ULK1: variants seen among roughly 807,000 people sequenced by gnomAD.
ULK1 encodes unc-51 like autophagy activating kinase 1.
Under a neutral mutation model 117.5 loss-of-function variants are expected in ULK1, and 48 were observed. That is an observed-to-expected ratio of 0.41 (90% CI 0.32 to 0.52). The LOEUF (loss-of-function observed/expected upper bound fraction) is 0.52. Among genes scored for constraint, ULK1 ranks in the 20% least tolerant of loss-of-function variants. The probability of loss-of-function intolerance (pLI) is 0.29; values close to 1 mark genes in which losing one functional copy is unlikely to be tolerated. For synonymous variants in ULK1, 790 were observed against 637.8 expected (o/e 1.24, Z -3.60); for missense variants, 1,387 against 1,473.4 (o/e 0.94, Z 0.96).
chr12:131,912,282 G>A (rs1200694881), intron 13 of ULK1, among the ~76,000 whole-genome samples, 193 bp downstream of exon 13: 2 of 152,290 alleles, frequency 1.3e-5, no homozygotes, highest in Non-Finnish European at 1.5e-5. Context: ...AATCAAAGCC[G>A]GGTCCTCCTA....
intron 5 of ULK1, 80 bp downstream of exon 5, chr12:131,907,611 G>T: frequency 1.3e-6 from 2 of 1,529,506 alleles, no homozygotes; most frequent in Middle Eastern, 2.2e-4. Context: ...CCCAGTCTGG[G>T]AGGCAGCCTG....
rs767615596 is a variant in ULK1, at chr12:131,919,346, G to A, written c.2646G>A (p.Val882=). Residue 882 remains valine, a synonymous_variant, in exon 24 of 28, where the codon GTG becomes GTA. Transcript: ENST00000321867. ...GGPEYQLQES[V]VADQISLLSR... ...CTGAGTACCAGCTGCAGGAGAGTGT[G>A]GTGGCCGACCAGATCAGCCTGCTGA... The A allele has an allele frequency of 3.4e-5, 54 of 1,572,806 alleles. No homozygotes were observed. The highest frequency in any genetic ancestry group is 4.1e-5 in the Non-Finnish European group (48 of 1,160,026).
Position 131,895,083 on chromosome 12 carries a change from G to T in ULK1, c.82G>T (p.Ala28Ser). 6.4e-7 allele frequency: 1 copy of T among 1,573,750 alleles called. No individual in the cohort carries two copies. ...GGACCTGATCGGCCACGGCGCCTTCGCGGTGGTCTTCAAGGGCCGCCACCG... is the reference window on the plus strand; with the variant it reads ...GGACCTGATCGGCCACGGCGCCTTCTCGGTGGTCTTCAAGGGCCGCCACCG... ...RKDLIGHGAF[A>S]VVFKGRHREK... Residue 28 changes from alanine (A) to serine (S), a missense_variant, in exon 1 of 28, where the codon GCG (alanine) becomes TCG (serine). By Grantham distance (99) the Ala-to-Ser change is moderately conservative (BLOSUM62 1). Coordinates refer to ENST00000321867, the MANE Select transcript of ULK1 (RefSeq NM_003565.4).
At chr12:131,913,578 G>A (rs575977820) in intron 14 of ULK1, among the ~76,000 whole-genome samples, 169 bp from the exon 15 acceptor site, 2 of 151,640 alleles carry the variant, frequency 1.3e-5, no homozygotes, top group East Asian at 3.9e-4. Context: ...GGTGGCACAT[G>A]CCTGTAATCC....
rs748677450 is a variant in ULK1 at position 131,919,261 on chromosome 12, T to G, written c.2561T>G (p.Val854Gly). Reference sequence around the variant, plus strand: ...GGCCTGCGCTTCACGCTGCTGTTCGTGCAGCACGTCCTGGAGATCGCAGCC... The same window carrying G: ...GGCCTGCGCTTCACGCTGCTGTTCGGGCAGCACGTCCTGGAGATCGCAGCC... ...LRGLRFTLLFVQHVLEIAALK... is the reference protein window; with the variant it reads ...LRGLRFTLLFGQHVLEIAALK... Residue 854 changes from valine to glycine, a missense_variant, in exon 24 of 28, where the codon GTG becomes GGG. Val to Gly is a moderately radical substitution (Grantham distance 109, BLOSUM62 -3). Around this residue, in one of 4 missense-constraint regions of ULK1, gnomAD observed 900 missense variants for 858.9 expected, o/e 1.05. Coordinates refer to ENST00000321867, the MANE Select transcript of ULK1 (RefSeq NM_003565.4). 1 of 1,598,784 alleles carries G rather than the reference T, an allele frequency of 6.3e-7. No individual in the cohort carries two copies. The highest frequency in any genetic ancestry group is 1.7e-5 in the Admixed American group (1 of 59,740).
At position 131,902,638 on chromosome 12, in the gene ULK1, G is replaced by GT. The variant is rs1889132248; in HGVS notation, c.247-4252dup. 6.6e-6 allele frequency among the ~76,000 whole-genome samples: 1 copy of GT among 152,162 alleles called. No homozygotes were observed. Among genetic ancestry groups the GT allele is most frequent in the Admixed American group, 6.5e-5 (1 of 15,286 alleles). ...CAGCCCTGTGGAATGGTCAGCAGCC[G>GT]TTCCCTGTTTCCTCCCTTTAAATAG... On this transcript the variant is annotated intron_variant, in intron 3 of 27. Coordinates refer to ENST00000321867, the MANE Select transcript of ULK1 (RefSeq NM_003565.4). This position sits in a 1 kb window ranked among gnomAD's most constrained non-coding sequence, Gnocchi z 6.3.
intron 26 of ULK1, 34 bp downstream of exon 26, chr12:131,920,170 C>T (rs781548267): frequency 7.0e-5 from 112 of 1,597,392 alleles, no homozygotes; most frequent in Non-Finnish European, 8.3e-5. Context: ...GGGGCAGGGG[C>T]CAGGAACTTC....
intron 17 of ULK1, 30 bp downstream of exon 17, chr12:131,915,261 G>A (rs1889722746): frequency 1.9e-6 from 3 of 1,606,178 alleles, no homozygotes; most frequent in Non-Finnish European, 2.6e-6. Context: ...CCTGGGAAGG[G>A]GCGTCTGTAG....
At position 131,921,332 on chromosome 12, in the gene ULK1, T is replaced by G. The variant is rs1488022852; in HGVS notation, c.3124T>G (p.Ser1042Ala). Residue 1042 changes from serine (S) to alanine (A), a missense_variant, in exon 28 of 28, where the codon TCG becomes GCG. By Grantham distance (99) the Ser-to-Ala change is moderately conservative (BLOSUM62 1). This residue lies in a region of ULK1 where 900 missense variants were observed against 858.9 expected (regional missense o/e 1.05). Transcript: ENST00000321867. Reference protein sequence around the residue: ...KCKLCIERRLSALLTGICA With the variant: ...KCKLCIERRLAALLTGICA ...CAAGCTGTGCATTGAGCGGAGACTC[T>G]CGGCGCTGCTGACTGGCATCTGTGC... 2.6e-5 allele frequency: 42 copies of G among 1,605,874 alleles called. No homozygotes were observed. Among genetic ancestry groups the G allele is most frequent in the Admixed American group, 5.0e-5 (3 of 60,002 alleles).
chr12:131,914,562 G>T, intron 16 of ULK1, 85 bp downstream of exon 16: 1 of 1,513,322 alleles, frequency 6.6e-7, no homozygotes, highest in Non-Finnish European at 8.9e-7. Context: ...GAGGGACAGG[G>T]TCGTCATCCA....
chr12:131,911,797 A>C, intron 12 of ULK1, 145 bp from the exon 13 acceptor site: 1 of 1,132,766 alleles, frequency 8.8e-7, no homozygotes, highest in East Asian at 2.5e-5. Flanking sequence ...AGAGCGGAGC[A>C]CAGGAAGAAA....
At chr12:131,904,432 G>A (rs1414738823) in intron 3 of ULK1, among the ~76,000 whole-genome samples, 9 of 152,210 alleles carry the variant, frequency 5.9e-5, no homozygotes, top group Admixed American at 5.9e-4. Flanking sequence ...ACGGGCATGA[G>A]CCACCGTACC....
In ULK1 at chr12:131,895,054, G is replaced by A. The variant is rs1296513814; in HGVS notation, c.53G>A (p.Arg18His). 3 of 1,555,590 alleles carry A rather than the reference G, an allele frequency of 1.9e-6. No individual in the cohort carries two copies. Among genetic ancestry groups the A allele is most frequent in the African/African-American group, 1.4e-5 (1 of 71,638 alleles). Reference protein sequence around the residue: ...TETVGKFEFSRKDLIGHGAFA... With the variant: ...TETVGKFEFSHKDLIGHGAFA... Reference sequence around the variant, plus strand: ...ACCGTGGGCAAGTTCGAGTTCTCCCGCAAGGACCTGATCGGCCACGGCGCC... The same window carrying A: ...ACCGTGGGCAAGTTCGAGTTCTCCCACAAGGACCTGATCGGCCACGGCGCC... The change falls in exon 1 of 28, where the codon CGC becomes CAC. Residue 18 changes from arginine (R) to histidine (H), a missense_variant. Physicochemically the swap from Arg to His is conservative, Grantham distance 29. Transcript: ENST00000321867.
rs376618136 is a variant in ULK1, at chr12:131,917,493, C to T, written c.2265C>T (p.Thr755=). 1.1e-4 allele frequency: 161 copies of T among 1,498,130 alleles called. 1 individual carries two copies. Among genetic ancestry groups the T allele is most frequent in the Admixed American group, 6.0e-4 (27 of 45,154 alleles). 92.8% of individuals were successfully genotyped at this position (1,498,130 alleles called of 1,614,324 possible). A position where few individuals can be genotyped will look rare whatever the true frequency, so the allele number is the denominator to read the frequency against. ...GCAGCCCTTCCCCGGTGGTCTTCAC[C>T]GTGGGCTCTCCCCCGAGCGGGAGCA... is the stretch of plus-strand genomic sequence containing the variant. The part of the protein sequence containing the change: ...GTSSPSPVVF[T]VGSPPSGSTP... Residue 755 remains threonine (T), a synonymous_variant, in exon 22 of 28, where the codon ACC becomes ACT. Coordinates refer to ENST00000321867, the MANE Select transcript of ULK1 (RefSeq NM_003565.4).
chr12:131,912,989 C>T (rs568557689), intron 13 of ULK1, among the ~76,000 whole-genome samples: 1 of 152,218 alleles, frequency 6.6e-6, no homozygotes, highest in Non-Finnish European at 1.5e-5. Flanking sequence ...GCAGGTAGCG[C>T]TCTGGTCTCC....
intron 11 of ULK1, 148 bp from the exon 12 acceptor site, chr12:131,910,564 C>T: frequency 7.3e-6 from 11 of 1,500,342 alleles, no homozygotes; most frequent in Non-Finnish European, 9.1e-6. Context: ...ATAGGGTGGC[C>T]CAGGAGGGAG....
chr12:131,914,653 T>C (rs776699673), intron 16 of ULK1, among the ~76,000 whole-genome samples, 176 bp downstream of exon 16: 3 of 152,254 alleles, frequency 2.0e-5, no homozygotes, highest in South Asian at 2.1e-4. Flanking sequence ...TAGAGTTATT[T>C]TGACAGTTTT....
rs981970604 is a variant in ULK1, at chr12:131,894,969, CCCCCCGCCCCGCG to C, written c.-26_-14del. 4.4e-6 allele frequency: 5 copies of C among 1,127,306 alleles called. No homozygotes were observed. The highest frequency in any genetic ancestry group is 3.4e-5 in the African/African-American group (2 of 58,510). 69.8% of individuals were successfully genotyped at this position (1,127,306 alleles called of 1,614,324 possible). On this transcript the variant is annotated 5_prime_UTR_variant, in exon 1 of 28. Coordinates refer to ENST00000321867, the MANE Select transcript of ULK1 (RefSeq NM_003565.4). ...GAGTCCCCCGCGCCTTGGCCCGCCACCCCCCGCCCCGCGCCCCCGGCCCGCCTGCGCCATGGAG... is the reference window on the plus strand; with the variant it reads ...GAGTCCCCCGCGCCTTGGCCCGCCACCCCCCGGCCCGCCTGCGCCATGGAG...
chr12:131,917,599 G>T, intron 22 of ULK1, 45 bp downstream of exon 22: 1 of 1,343,810 alleles, frequency 7.4e-7, no homozygotes, highest in Non-Finnish European at 9.6e-7. Flanking sequence ...TGGGGTGGTG[G>T]CAGCGCCCTA....
Sources: gnomAD v4.1 joint callset for allele counts (sites outside exome capture counted in the v4.1 genomes callset) on GRCh38, gnomAD v4.1.1 for gene constraint, gnomAD v4.1.1 regional missense constraint, Gnocchi (gnomAD v3.1) non-coding constraint, MANE v1.5 for transcripts, NCBI Gene and HGNC (gene_info 2026-07-23, HGNC 2026-07-21) for gene names.